NEMP2: variants seen among roughly 807,000 people sequenced by gnomAD.
NEMP2 encodes the protein UPF0571 transmembrane protein.
A neutral mutation model predicts 54.2 loss-of-function variants in NEMP2; 53 were observed. The ratio of observed to expected loss-of-function variants is 0.98; its 90% CI spans 0.78 to 1.23. The LOEUF is 1.23. Among genes scored for constraint, NEMP2 ranks in the 50% most tolerant of loss-of-function variants. The pLI is 0.00. For missense variants in NEMP2, 455 were observed against 511.3 expected, an observed-to-expected ratio of 0.89 and a Z score of 1.06; for synonymous variants, 197 against 190.3, an observed-to-expected ratio of 1.04 and a Z score of -0.29.
At chr2:190,636,350 T>C in the NEMP2 span, among the ~76,000 whole-genome samples, 1 of 152,252 alleles carries the variant, frequency 6.6e-6, no homozygotes, top group Non-Finnish European at 1.5e-5. Flanking sequence ...CAAGTAAGGT[T>C]TCCTCTTTCT....
chr2:190,535,468 TATAC>T (rs1691344957), upstream of NEMP2, among the ~76,000 whole-genome samples: 1 of 152,236 alleles, frequency 6.6e-6, no homozygotes, highest in South Asian at 2.1e-4. Context: ...AATTAGGAGA[TATAC>T]ATATATTTTA....
the NEMP2 span, among the ~76,000 whole-genome samples, chr2:190,460,356 C>A: frequency 1.3e-5 from 2 of 152,020 alleles, no homozygotes; most frequent in African/African-American, 4.8e-5. Flanking sequence ...TTTCACATAC[C>A]CATCACTTAT....
chr2:190,460,685 G>A, the NEMP2 span, among the ~76,000 whole-genome samples: 1 of 152,154 alleles, frequency 6.6e-6, no homozygotes, highest in Admixed American at 6.5e-5. Context: ...ACGTGATGCT[G>A]CAATCACATA....
At chr2:190,534,340 A>G (rs944850946) in intron 1 of NEMP2, 3 of 1,197,512 alleles carry the variant, frequency 2.5e-6, no homozygotes, top group Non-Finnish European at 3.1e-6. Context: ...TAATTCTAAA[A>G]TTACAAAATG....
At chr2:190,524,191 T>C (rs1690851242) in intron 2 of NEMP2, among the ~76,000 whole-genome samples, 1 of 151,922 alleles carries the variant, frequency 6.6e-6, no homozygotes, top group African/African-American at 2.4e-5. Context: ...CACTTCAGCT[T>C]GGGCAACTGG....
At chr2:190,422,827 C>G in the NEMP2 span, among the ~76,000 whole-genome samples, 4 of 151,782 alleles carry the variant, frequency 2.6e-5, no homozygotes, top group Non-Finnish European at 4.4e-5. Context: ...TTATTATTTT[C>G]TAGATGTTTG....
At chr2:190,629,144 C>T in the NEMP2 span, among the ~76,000 whole-genome samples, 1 of 152,222 alleles carries the variant, frequency 6.6e-6, no homozygotes, top group African/African-American at 2.4e-5. Flanking sequence ...ATTTATCTTG[C>T]AGCTGCTATA....
chr2:190,479,286 A>G, the NEMP2 span, among the ~76,000 whole-genome samples: 1 of 152,210 alleles, frequency 6.6e-6, no homozygotes. Flanking sequence ...CAATTCAGCT[A>G]CCATTTGCAG....
At position 190,513,325 on chromosome 2, in the gene NEMP2, A is replaced by G. The variant is rs141268106; in HGVS notation, c.953+1128T>C. 5.9e-3 allele frequency among the ~76,000 whole-genome samples: 903 copies of G among 152,288 alleles called. 13 individuals carry two copies. Among genetic ancestry groups the G allele is most frequent in the African/African-American group, 0.019 (804 of 41,552 alleles). ...AAACCAGCAGATCTGGCAATACAGG[A>G]CTCATATTCCCACACATGAGCAATC... On this transcript the variant is annotated intron_variant, in intron 7 of 8. Coordinates refer to ENST00000409150, the MANE Select transcript of NEMP2 (RefSeq NM_001142645.2). The surrounding 1 kb of genome is among the most constrained non-coding windows in gnomAD (Gnocchi z 5.3).
At chr2:190,636,718 A>C in the NEMP2 span, among the ~76,000 whole-genome samples, 1 of 152,222 alleles carries the variant, frequency 6.6e-6, no homozygotes, top group East Asian at 1.9e-4. Context: ...AAATTTTCAT[A>C]TTTAAGAAAA....
the NEMP2 span, among the ~76,000 whole-genome samples, chr2:190,639,167 A>G: frequency 6.6e-6 from 1 of 152,214 alleles, no homozygotes; most frequent in Non-Finnish European, 1.5e-5. Flanking sequence ...AATCAATATT[A>G]ACACATTCAA....
the NEMP2 span, among the ~76,000 whole-genome samples, chr2:190,496,848 G>T: frequency 6.6e-6 from 1 of 152,176 alleles, no homozygotes; most frequent in Non-Finnish European, 1.5e-5. This position sits in a 1 kb window ranked among gnomAD's most constrained non-coding sequence, Gnocchi z 4.7. Flanking sequence ...CTCATAAGTG[G>T]GAGCTAGGCT....
chr2:190,646,704 A>G, the NEMP2 span: 1 of 152,262 alleles, frequency 6.6e-6, no homozygotes, highest in South Asian at 2.1e-4. Context: ...GTTTAACTGT[A>G]GAAACCAGAT....
chr2:190,436,025 AAG>A, the NEMP2 span: 1 of 1,599,874 alleles, frequency 6.3e-7, no homozygotes, highest in African/African-American at 1.3e-5. The surrounding 1 kb of genome is among the most constrained non-coding windows in gnomAD (Gnocchi z 5.3). Context: ...TGGTGGTGGT[AAG>A]CCATGGCAGA....
chr2:190,430,701 G>A, the NEMP2 span, among the ~76,000 whole-genome samples: 7 of 151,334 alleles, frequency 4.6e-5, no homozygotes, highest in East Asian at 5.9e-4. Flanking sequence ...ATCATGGCCC[G>A]TTCTCAATGA....
At chr2:190,436,280 C>G in the NEMP2 span, 2 of 1,613,904 alleles carry the variant, frequency 1.2e-6, no homozygotes, top group Non-Finnish European at 1.7e-6. The surrounding 1 kb of genome is among the most constrained non-coding windows in gnomAD (Gnocchi z 5.3). Context: ...GCCTATGGCT[C>G]TCTCTATCCC....
chr2:190,503,379 T>C (rs377152185), downstream of NEMP2, among the ~76,000 whole-genome samples: 5 of 152,290 alleles, frequency 3.3e-5, no homozygotes, highest in African/African-American at 1.2e-4. The surrounding 1 kb of genome is among the most constrained non-coding windows in gnomAD (Gnocchi z 6.3). Flanking sequence ...CCATAAGCCA[T>C]ATGTGGCTAT....
chr2:190,552,719 C>CA, the NEMP2 span, among the ~76,000 whole-genome samples: 61,042 of 147,308 alleles, frequency 0.41, 13,554 homozygotes, highest in Non-Finnish European at 0.53. Flanking sequence ...GAACCTATCT[C>CA]AAAAAAAAAA....
the NEMP2 span, among the ~76,000 whole-genome samples, chr2:190,593,149 T>G: frequency 6.6e-6 from 1 of 152,206 alleles, no homozygotes; most frequent in African/African-American, 2.4e-5. This position sits in a 1 kb window ranked among gnomAD's most constrained non-coding sequence, Gnocchi z 4.5. Flanking sequence ...AAGAAGACTT[T>G]TTTTGCTTAT....
Sources: allele counts gnomAD v4.1 joint callset (sites outside exome capture counted in the v4.1 genomes callset), GRCh38; gene constraint gnomAD v4.1.1; non-coding constraint Gnocchi (gnomAD v3.1); transcripts MANE v1.5; gene names NCBI Gene and HGNC (gene_info 2026-07-23, HGNC 2026-07-21).